Variants in SYN3 observed in about 807,000 individuals in gnomAD.
SYN3 encodes synapsin III.
In SYN3, 35 loss-of-function variants were observed where a neutral mutation model predicts 65.8. The ratio of observed to expected loss-of-function variants is 0.53; its 90% CI spans 0.41 to 0.70. The LOEUF (loss-of-function observed/expected upper bound fraction) is 0.70, where lower values mean the gene tolerates loss of function less well. Among genes scored for constraint, SYN3 ranks in the 30% least tolerant of loss-of-function variants. The pLI is 0.00. For synonymous variants in SYN3, 270 were observed against 292.9 expected (o/e 0.92, Z 0.80); for missense variants, 680 against 749.0 (o/e 0.91, Z 1.08).
chr22:32,920,011 G>C (rs977827488), intron 4 of SYN3, among the ~76,000 whole-genome samples: 2 of 152,174 alleles, frequency 1.3e-5, no homozygotes, highest in African/African-American at 4.8e-5. Flanking sequence ...CAGTAAGCCT[G>C]GGTGGGAGCT....
chr22:32,536,524 C>T (rs1464534649), intron 9 of SYN3, among the ~76,000 whole-genome samples: 5 of 152,202 alleles, frequency 3.3e-5, no homozygotes, highest in Non-Finnish European at 7.3e-5. Context: ...GGGATGCTCC[C>T]ACTCCAGTCT....
chr22:33,019,292 C>T (rs1197295872), intron 1 of SYN3, among the ~76,000 whole-genome samples: 1 of 152,112 alleles, frequency 6.6e-6, no homozygotes, highest in East Asian at 1.9e-4. Context: ...TATACTTTTC[C>T]CTCTGCCCGG....
chr22:32,891,950 A>G (rs189961882), intron 4 of SYN3, among the ~76,000 whole-genome samples: 1 of 151,768 alleles, frequency 6.6e-6, no homozygotes, highest in East Asian at 1.9e-4. Context: ...TTTGGAGACC[A>G]GGTATTGTTT....
At chr22:32,882,215 A>G (rs4449) in intron 4 of SYN3, among the ~76,000 whole-genome samples, 148,779 of 152,142 alleles carry the variant, frequency 0.98, 72,751 homozygotes, top group East Asian at 1. Context: ...CCCATCGGTC[A>G]GGTCATCTTC....
At chr22:33,032,186 G>T (rs1358804479) in intron 1 of SYN3, among the ~76,000 whole-genome samples, 1 of 151,366 alleles carries the variant, frequency 6.6e-6, no homozygotes, top group Non-Finnish European at 1.5e-5. Flanking sequence ...CTCTAACCTG[G>T]GTGACAGAGC....
At chr22:33,004,249 C>T (rs2053141645) in intron 2 of SYN3, among the ~76,000 whole-genome samples, 1 of 152,190 alleles carries the variant, frequency 6.6e-6, no homozygotes, top group East Asian at 1.9e-4. Flanking sequence ...AAGAAGAGGG[C>T]TACTGTCTTC....
intron 3 of SYN3, among the ~76,000 whole-genome samples, chr22:32,936,490 A>AAAACAAAC (rs3071392): frequency 1.4e-3 from 217 of 151,640 alleles, no homozygotes; most frequent in Middle Eastern, 6.8e-3. Flanking sequence ...GAGAAAAAAT[A>AAAACAAAC]AAACAAACAA....
At chr22:32,740,951 C>A (rs1894452) in intron 6 of SYN3, among the ~76,000 whole-genome samples, 1 of 151,978 alleles carries the variant, frequency 6.6e-6, no homozygotes, top group African/African-American at 2.4e-5. Context: ...ATCGCAGTCC[C>A]GTGGGGGCTG....
chr22:32,834,493 G>A (rs2047673677), intron 6 of SYN3, among the ~76,000 whole-genome samples: 1 of 152,052 alleles, frequency 6.6e-6, no homozygotes, highest in Non-Finnish European at 1.5e-5. Context: ...GCCTCCCATG[G>A]GCAGGCAGAG....
At chr22:32,943,232 A>C (rs879763320) in intron 3 of SYN3, among the ~76,000 whole-genome samples, 1 of 152,240 alleles carries the variant, frequency 6.6e-6, no homozygotes, top group African/African-American at 2.4e-5. Flanking sequence ...AGCCCATCAG[A>C]CTAACAGTGG....
chr22:32,632,644 G>A (rs919122510), intron 6 of SYN3, among the ~76,000 whole-genome samples: 3 of 152,314 alleles, frequency 2.0e-5, no homozygotes, highest in African/African-American at 7.2e-5. Context: ...GGGGCAGGAA[G>A]CTAGGGGCAG....
intron 6 of SYN3, among the ~76,000 whole-genome samples, chr22:32,741,592 T>A (rs56410914): frequency 6.6e-6 from 1 of 152,080 alleles, no homozygotes; most frequent in African/African-American, 2.4e-5. Context: ...CCTGACCTCG[T>A]GATCCGCCTG....
intron 6 of SYN3, among the ~76,000 whole-genome samples, chr22:32,712,286 C>T (rs1257451028): frequency 6.6e-6 from 1 of 152,224 alleles, no homozygotes; most frequent in Non-Finnish European, 1.5e-5. Context: ...GCTTCATGCA[C>T]TCTTCCTAAT....
intron 6 of SYN3, among the ~76,000 whole-genome samples, chr22:32,616,195 G>A (rs1336899070): frequency 6.6e-6 from 1 of 152,138 alleles, no homozygotes; most frequent in African/African-American, 2.4e-5. Context: ...CCTGCATGGG[G>A]GCAGGAGGTG....
chr22:32,682,716 T>C (rs2060539965), intron 6 of SYN3, among the ~76,000 whole-genome samples: 1 of 151,866 alleles, frequency 6.6e-6, no homozygotes, highest in African/African-American at 2.4e-5. Flanking sequence ...AGGTTTTTAT[T>C]GCACAGCGTT....
At chr22:32,617,410 G>A (rs2059535741) in intron 6 of SYN3, among the ~76,000 whole-genome samples, 1 of 152,034 alleles carries the variant, frequency 6.6e-6, no homozygotes, top group Non-Finnish European at 1.5e-5. Flanking sequence ...GAATACGGAG[G>A]CGCCTCACAT....
intron 3 of SYN3, 126 bp from the exon 4 acceptor site, chr22:32,931,607 G>T: frequency 1.6e-6 from 1 of 642,770 alleles, no homozygotes. Context: ...TTAGGAAGTT[G>T]CCGATATTAT....
chr22:32,715,512 G>C (rs929585966), intron 6 of SYN3, among the ~76,000 whole-genome samples: 1 of 152,164 alleles, frequency 6.6e-6, no homozygotes, highest in African/African-American at 2.4e-5. Flanking sequence ...TGGGCGCGGT[G>C]GCTCACGCCT....
At chr22:32,599,950 G>T (rs2059258351) in intron 6 of SYN3, among the ~76,000 whole-genome samples, 1 of 152,116 alleles carries the variant, frequency 6.6e-6, no homozygotes. Context: ...GCGGTCATGT[G>T]CAAGTCTCCA....
Sources: gnomAD v4.1 joint callset for allele counts (sites outside exome capture counted in the v4.1 genomes callset) on GRCh38, gnomAD v4.1.1 for gene constraint, MANE v1.5 for transcripts, NCBI Gene and HGNC (gene_info 2026-07-23, HGNC 2026-07-21) for gene names.